The following DNAJB12 variants were observed in gnomAD, a reference collection of about 807,000 sequenced individuals.
The protein encoded by DNAJB12 is DnaJ heat shock protein family (Hsp40) member B12.
In DNAJB12, 14 loss-of-function variants were observed where a neutral mutation model predicts 40.6. That is an observed-to-expected ratio of 0.34 (90% confidence interval 0.23 to 0.54). DNAJB12 has a LOEUF of 0.54. DNAJB12 is among the 20% of genes least tolerant of loss of function. The pLI is 0.92. For synonymous variants in DNAJB12, 181 were observed against 199.5 expected, an observed-to-expected ratio of 0.91 and a Z score of 0.78; for missense variants, 444 against 501.7, an observed-to-expected ratio of 0.89 and a Z score of 1.10.
Position 72,345,067 on chromosome 10 carries a change from T to G in DNAJB12, c.194A>C (p.Asp65Ala), listed in dbSNP as rs539595062. The change falls in exon 2 of 9, where the codon GAC (aspartate) becomes GCC (alanine). Residue 65 changes from aspartate to alanine, a missense_variant. By Grantham distance (126) the Asp-to-Ala change is moderately radical. Coordinates refer to ENST00000444643, the MANE Select transcript of DNAJB12 (RefSeq NM_017626.7). Reference protein sequence around the residue: ...QTAGDQPPPTDTTHATHRKAG... With the variant: ...QTAGDQPPPTATTHATHRKAG... ...TTTCCTGTGGGTGGCATGGGTTGTG[T>G]CTGTGGGTGGGGGTTGGTCACCGGC... 6.2e-7 allele frequency: 1 copy of G among 1,614,156 alleles called. No individual in the cohort carries two copies.
intron 7 of DNAJB12, among the ~76,000 whole-genome samples, chr10:72,336,314 T>C (rs1861472257): frequency 6.6e-6 from 1 of 152,188 alleles, no homozygotes; most frequent in Admixed American, 6.5e-5. Flanking sequence ...TACGGGAACC[T>C]GAGGAAACTA....
At chr10:72,342,514 C>G (rs1472220672) in intron 3 of DNAJB12, among the ~76,000 whole-genome samples, 1 of 152,212 alleles carries the variant, frequency 6.6e-6, no homozygotes, top group African/African-American at 2.4e-5. Context: ...CACTCCCACT[C>G]TCCTCCTCCA....
intron 1 of DNAJB12, 141 bp from the exon 2 acceptor site, chr10:72,345,268 G>A: frequency 5.2e-6 from 5 of 957,942 alleles, no homozygotes; most frequent in Non-Finnish European, 6.2e-6. Flanking sequence ...GGTGCTGGGG[G>A]GACAGTCATC....
At chr10:72,353,147 T>C (rs931276708) in intron 1 of DNAJB12, among the ~76,000 whole-genome samples, 3 of 152,224 alleles carry the variant, frequency 2.0e-5, no homozygotes, top group African/African-American at 4.8e-5. Flanking sequence ...GAGAGGACAC[T>C]CCTTCAAGCT....
rs998442360 is a variant in DNAJB12, at chr10:72,354,854, G to A, written c.44C>T (p.Ala15Val). ...KDEAERCISIALKAIQSNQPD... is the reference protein window; with the variant it reads ...KDEAERCISIVLKAIQSNQPD... ...CTGGTTGCTCTGGATGGCCTTGAGG[G>A]CGATGCTGATACAGCGCTCAGCTTC... The change falls in exon 1 of 9, where the codon GCC becomes GTC. Residue 15 changes from alanine to valine, a missense_variant. Coordinates refer to ENST00000444643, the MANE Select transcript of DNAJB12 (RefSeq NM_017626.7). 1.9e-6 allele frequency: 3 copies of A among 1,614,012 alleles called. No homozygotes were observed. The highest frequency in any genetic ancestry group is 8.5e-7 in the Non-Finnish European group (1 of 1,179,964).
rs1213703992 is a variant in DNAJB12 at position 72,334,394 on chromosome 10, C to T, written c.*254G>A. On this transcript the variant is annotated 3_prime_UTR_variant, in exon 9 of 9. Transcript: ENST00000444643. ...TCTGTATCCTAGGAGAGAGGCGATG[C>T]GGAGCCTCCGCCAGCCCTGCGAGGG... The T allele has an allele frequency of 6.0e-6, 4 of 665,426 alleles. No homozygotes were observed. The highest frequency in any genetic ancestry group is 5.7e-5 in the African/African-American group (3 of 53,068). The allele number at this position is 665,426 out of a possible 1,614,324, so 41.2% of individuals were successfully genotyped here. A position where few individuals can be genotyped will look rare whatever the true frequency, so the allele number is the denominator to read the frequency against.
chr10:72,350,164 C>T (rs1253694940), intron 1 of DNAJB12, among the ~76,000 whole-genome samples: 2 of 151,872 alleles, frequency 1.3e-5, no homozygotes, highest in African/African-American at 2.4e-5. Context: ...CTTTAGGAGG[C>T]CAAGGCAGGA....
Position 72,341,025 on chromosome 10 carries a change from T to C in DNAJB12, c.603A>G (p.Glu201=). 6.2e-7 allele frequency: 1 copy of C among 1,614,082 alleles called. No homozygotes were observed. ...HRGFEADISP[E]DLFNMFFGGG... The stretch of plus-strand genomic sequence containing the variant: ...CGCCAAAGAACATGTTGAAGAGGTC[T>C]TCAGGGGAGATGTCGGCCTCAAAGC... Residue 201 remains glutamate, a synonymous_variant, in exon 4 of 9, where the codon GAA becomes GAG. Coordinates refer to ENST00000444643, the MANE Select transcript of DNAJB12 (RefSeq NM_017626.7).
At chr10:72,350,743 G>A (rs1861915563) in intron 1 of DNAJB12, among the ~76,000 whole-genome samples, 1 of 152,184 alleles carries the variant, frequency 6.6e-6, no homozygotes, top group Non-Finnish European at 1.5e-5. Flanking sequence ...GGCCTTGCCA[G>A]GTTAGCTGGT....
intron 5 of DNAJB12, among the ~76,000 whole-genome samples, chr10:72,338,931 T>C (rs1433006355): frequency 6.6e-6 from 1 of 152,194 alleles, no homozygotes; most frequent in Non-Finnish European, 1.5e-5. Context: ...TGTGATAATC[T>C]GTGATGTTAA....
At chr10:72,343,920 A>G (rs991204445) in intron 2 of DNAJB12, among the ~76,000 whole-genome samples, 1 of 151,928 alleles carries the variant, frequency 6.6e-6, no homozygotes, top group Non-Finnish European at 1.5e-5. Flanking sequence ...AAGTTTTTAA[A>G]ATGTTAAATA....
chr10:72,354,621 C>T (rs1001133019), intron 1 of DNAJB12, 144 bp downstream of exon 1: 4 of 754,704 alleles, frequency 5.3e-6, no homozygotes, highest in Non-Finnish European at 8.3e-6. Context: ...AACTACGCCT[C>T]CCAGCAGCCA....
chr10:72,345,893 C>CAAA (rs1247241424), intron 1 of DNAJB12, among the ~76,000 whole-genome samples: 23 of 61,698 alleles, frequency 3.7e-4, no homozygotes, highest in African/African-American at 9.8e-4. Flanking sequence ...GGATCTGTCT[C>CAAA]AAAAAAAAAA....
At position 72,335,777 on chromosome 10, in the gene DNAJB12, T is replaced by C; in HGVS notation, c.*30+3A>G. 6.2e-7 allele frequency: 1 copy of C among 1,612,710 alleles called. No individual in the cohort carries two copies. The highest frequency in any genetic ancestry group is 8.5e-7 in the Non-Finnish European group (1 of 1,179,252). ...GCAGGGTGGAGGCAGCCCTGGCTCA[T>C]ACTTGGACCTCGGTGGTGTGGCTGG... On this transcript the variant is annotated splice_donor_region_variant and intron_variant, in intron 8 of 8. Coordinates refer to ENST00000444643, the MANE Select transcript of DNAJB12 (RefSeq NM_017626.7). The surrounding 1 kb of genome is among the most constrained non-coding windows in gnomAD (Gnocchi z 4.4).
intron 1 of DNAJB12, among the ~76,000 whole-genome samples, chr10:72,346,078 A>C (rs1343286767): frequency 6.6e-6 from 1 of 152,228 alleles, no homozygotes; most frequent in African/African-American, 2.4e-5. Flanking sequence ...AAATTTAGGC[A>C]GAATTCTGAT....
chr10:72,337,849 T>C (rs1330486663), intron 6 of DNAJB12, among the ~76,000 whole-genome samples: 1 of 152,124 alleles, frequency 6.6e-6, no homozygotes, highest in Non-Finnish European at 1.5e-5. Context: ...CGAAATTATA[T>C]GCAAAACTCT....
At chr10:72,343,231 C>A in intron 3 of DNAJB12, 135 bp downstream of exon 3, 2 of 1,153,550 alleles carry the variant, frequency 1.7e-6, no homozygotes, top group Non-Finnish European at 2.4e-6. Flanking sequence ...AAGCAGCTCC[C>A]AAGCCTGGGC....
intron 1 of DNAJB12, among the ~76,000 whole-genome samples, chr10:72,348,952 G>T (rs982222709): frequency 1.3e-5 from 2 of 152,310 alleles, no homozygotes; most frequent in African/African-American, 2.4e-5. Flanking sequence ...CACACAGCTG[G>T]TTAGGAGGCA....
chr10:72,336,930 A>G (rs536441813), intron 6 of DNAJB12: 1 of 411,708 alleles, frequency 2.4e-6, no homozygotes, highest in South Asian at 4.5e-5. Flanking sequence ...CCTGCTTACC[A>G]CACTGCTGAC....
Sources: allele counts gnomAD v4.1 joint callset (sites outside exome capture counted in the v4.1 genomes callset), GRCh38; gene constraint gnomAD v4.1.1; non-coding constraint Gnocchi (gnomAD v3.1); transcripts MANE v1.5; gene names NCBI Gene and HGNC (gene_info 2026-07-23, HGNC 2026-07-21).